Variants in CARMIL1 observed in about 807,000 individuals in gnomAD.
The protein encoded by CARMIL1 is F-actin-uncapping protein LRRC16A.
CARMIL1 carries 90 observed loss-of-function variants against 177.1 expected under a neutral mutation model. The ratio of observed to expected loss-of-function variants is 0.51; its 90% CI spans 0.43 to 0.61. CARMIL1 has a LOEUF of 0.61. CARMIL1 is among the 20% of genes least tolerant of loss of function. The pLI is 0.00. For missense variants in CARMIL1, 1,380 were observed against 1,667.0 expected (o/e 0.83, Z 3.00); for synonymous variants, 577 against 606.2 (o/e 0.95, Z 0.71).
At chr6:25,607,264 C>T (rs1438909502) in intron 35 of CARMIL1, among the ~76,000 whole-genome samples, 1 of 151,208 alleles carries the variant, frequency 6.6e-6, no homozygotes, top group East Asian at 1.9e-4. Context: ...CAAACATATA[C>T]AAAAGTAGGA....
At chr6:25,354,743 T>A (rs148276288) in intron 2 of CARMIL1, among the ~76,000 whole-genome samples, 2 of 152,330 alleles carry the variant, frequency 1.3e-5, no homozygotes, top group African/African-American at 2.4e-5. Flanking sequence ...TGGGAAGGAA[T>A]TAAGCCCAGC....
intron 2 of CARMIL1, among the ~76,000 whole-genome samples, chr6:25,400,046 G>T (rs1482146649): frequency 6.6e-6 from 1 of 152,146 alleles, no homozygotes; most frequent in Non-Finnish European, 1.5e-5. Flanking sequence ...GCTGGTCCAG[G>T]CGTGTCTGTC....
intron 2 of CARMIL1, among the ~76,000 whole-genome samples, chr6:25,351,416 T>G (rs1348128315): frequency 6.6e-6 from 1 of 152,222 alleles, no homozygotes. Flanking sequence ...TGCTCTAGAT[T>G]CTGCTGTATT....
intron 2 of CARMIL1, among the ~76,000 whole-genome samples, chr6:25,296,276 C>G (rs902592241): frequency 2.0e-5 from 3 of 152,312 alleles, no homozygotes; most frequent in Admixed American, 1.3e-4. Flanking sequence ...AGAGGGGTGT[C>G]CAGGTGATGA....
intron 2 of CARMIL1, among the ~76,000 whole-genome samples, chr6:25,333,160 T>C (rs1785867070): frequency 6.6e-6 from 1 of 152,188 alleles, no homozygotes; most frequent in Non-Finnish European, 1.5e-5. Flanking sequence ...CTACACTGTA[T>C]CCCTTGGAAT....
chr6:25,437,567 AG>A (rs1581937889), intron 5 of CARMIL1, among the ~76,000 whole-genome samples: 1 of 152,208 alleles, frequency 6.6e-6, no homozygotes, highest in African/African-American at 2.4e-5. Flanking sequence ...TGCTGTACCC[AG>A]GTCTTCGTCC....
At chr6:25,280,937 T>TA (rs1227382805) in intron 1 of CARMIL1, among the ~76,000 whole-genome samples, 1 of 152,022 alleles carries the variant, frequency 6.6e-6, no homozygotes, top group Admixed American at 6.5e-5. Context: ...TTGTTTCTTT[T>TA]AGCTAATAAT....
At chr6:25,608,562 T>G (rs147528674) in intron 35 of CARMIL1, among the ~76,000 whole-genome samples, 1,700 of 152,344 alleles carry the variant, frequency 0.011, 12 homozygotes, top group Non-Finnish European at 0.015. Flanking sequence ...TTTATTTTGT[T>G]TATTTACTAA....
chr6:25,297,679 G>A (rs1199382842), intron 2 of CARMIL1, among the ~76,000 whole-genome samples: 1 of 152,220 alleles, frequency 6.6e-6, no homozygotes, highest in Non-Finnish European at 1.5e-5. Flanking sequence ...TCTTTCTGCA[G>A]AGATTTAATG....
At chr6:25,328,533 A>G (rs982854889) in intron 2 of CARMIL1, among the ~76,000 whole-genome samples, 6 of 152,222 alleles carry the variant, frequency 3.9e-5, no homozygotes, top group African/African-American at 1.4e-4. Flanking sequence ...ACTGTTCCTT[A>G]TAGAGCTGCA....
chr6:25,450,177 A>G (rs903955476), intron 6 of CARMIL1, among the ~76,000 whole-genome samples, 162 bp from the exon 7 acceptor site: 2 of 152,240 alleles, frequency 1.3e-5, no homozygotes, highest in Admixed American at 6.5e-5. Context: ...GCATCCTGCT[A>G]TGTACTTACT....
rs1562167584 is a variant in CARMIL1 at position 25,459,258 on chromosome 6, C to CTTTCTTTCTTTCTT, written c.615-6604_615-6603insCTTTTTCTTTCTTT. Among the ~76,000 whole-genome samples the CTTTCTTTCTTTCTT allele has an allele frequency of 1.8e-5, 2 of 109,988 alleles. 1 individual carries two copies. Among genetic ancestry groups the CTTTCTTTCTTTCTT allele is most frequent in the Non-Finnish European group, 3.6e-5 (2 of 55,714 alleles). 72.2% of individuals were successfully genotyped at this position (109,988 alleles called of 152,430 possible). A position where few individuals can be genotyped will look rare whatever the true frequency, so the allele number is the denominator to read the frequency against. ...TCTTTCTTTCTTTCTTTCTTTCTTTCTTTCTTTCTTTTTTTTTTTTTTAAG... is the reference window on the plus strand; with the variant it reads ...TCTTTCTTTCTTTCTTTCTTTCTTTCTTTCTTTCTTTCTTTTTCTTTCTTTTTTTTTTTTTTAAG... On this transcript the variant is annotated intron_variant, in intron 8 of 36. Coordinates refer to ENST00000329474, the MANE Select transcript of CARMIL1 (RefSeq NM_017640.6).
At chr6:25,332,773 G>GCACACA (rs376381821) in intron 2 of CARMIL1, among the ~76,000 whole-genome samples, 168 of 104,460 alleles carry the variant, frequency 1.6e-3, no homozygotes, top group Admixed American at 3.4e-3. Flanking sequence ...ACACACACAC[G>GCACACA]CGCACACACA....
Position 25,606,150 on chromosome 6 carries a change from G to A in CARMIL1, c.3724G>A (p.Gly1242Ser). 6.2e-7 allele frequency: 1 copy of A among 1,613,988 alleles called. No homozygotes were observed. Among genetic ancestry groups the A allele is most frequent in the Non-Finnish European group, 8.5e-7 (1 of 1,179,898 alleles). ...NTKAEPKAEA[G>S]SRSRSSSSTP... is the part of the protein sequence containing the mutation. ...CAAAGCAGAACCCAAAGCGGAAGCA[G>A]GCTCCAGGTCTCGGAGCTCATCCAG... is the stretch of plus-strand genomic sequence containing the variant. The change falls in exon 35 of 37, where the codon GGC becomes AGC. Residue 1242 changes from glycine to serine, a missense_variant. By Grantham distance (56) the Gly-to-Ser change is moderately conservative. Transcript: ENST00000329474.
chr6:25,481,738 C>T (rs893470443), intron 11 of CARMIL1, among the ~76,000 whole-genome samples: 1 of 152,172 alleles, frequency 6.6e-6, no homozygotes, highest in African/African-American at 2.4e-5. Context: ...ACAAAATCTA[C>T]TTTTAAGAAG....
At chr6:25,429,495 T>C (rs1238929950) in intron 4 of CARMIL1, among the ~76,000 whole-genome samples, 3 of 152,202 alleles carry the variant, frequency 2.0e-5, no homozygotes, top group Non-Finnish European at 2.9e-5. Context: ...CTGGTACTTA[T>C]AAGACAGTGC....
intron 29 of CARMIL1, among the ~76,000 whole-genome samples, chr6:25,568,052 A>G (rs1267774482): frequency 6.6e-6 from 1 of 152,242 alleles, no homozygotes; most frequent in Non-Finnish European, 1.5e-5. Context: ...CAAAATATAA[A>G]ATAAATGGTT....
chr6:25,544,300 A>G (rs1809209487), intron 26 of CARMIL1, among the ~76,000 whole-genome samples: 1 of 152,072 alleles, frequency 6.6e-6, no homozygotes, highest in South Asian at 2.1e-4. Context: ...AAGCAAATTT[A>G]CATCTAGAAT....
chr6:25,445,951 T>G (rs1798194950), intron 5 of CARMIL1, among the ~76,000 whole-genome samples: 1 of 152,232 alleles, frequency 6.6e-6, no homozygotes, highest in Admixed American at 6.5e-5. Flanking sequence ...CCAGGTGCAT[T>G]GTTAATGAGC....
Sources: allele counts gnomAD v4.1 joint callset (sites outside exome capture counted in the v4.1 genomes callset), GRCh38; gene constraint gnomAD v4.1.1; transcripts MANE v1.5; gene names NCBI Gene and HGNC (gene_info 2026-07-23, HGNC 2026-07-21).